COL14A1: variants seen among roughly 807,000 people sequenced by gnomAD.
The protein encoded by COL14A1 is collagen alpha-1(XIV) chain.
In COL14A1, 136 loss-of-function variants were observed where a neutral mutation model predicts 230.3. The ratio of observed to expected loss-of-function variants is 0.59; its 90% CI spans 0.51 to 0.68. The LOEUF (loss-of-function observed/expected upper bound fraction) is 0.68, where lower values mean the gene tolerates loss of function less well. Among genes scored for constraint, COL14A1 ranks in the 30% least tolerant of loss-of-function variants. COL14A1 has a pLI of 0.00. For synonymous variants in COL14A1, 792 were observed against 784.1 expected (o/e 1.01, Z -0.17); for missense variants, 1,976 against 2,215.8 (o/e 0.89, Z 2.17).
intron 9 of COL14A1, among the ~76,000 whole-genome samples, chr8:120,205,477 A>G (rs974421250): frequency 1.3e-5 from 2 of 152,220 alleles, no homozygotes; most frequent in African/African-American, 2.4e-5. Flanking sequence ...GAGATATCAT[A>G]TCATTGGTCT....
At chr8:120,218,732 A>G (rs1260491491) in intron 14 of COL14A1, among the ~76,000 whole-genome samples, 1 of 152,326 alleles carries the variant, frequency 6.6e-6, no homozygotes, top group Non-Finnish European at 1.5e-5. Context: ...TTTCAATGAC[A>G]AGGATACTAG....
At chr8:120,245,805 G>C (rs1481950632) in intron 20 of COL14A1, among the ~76,000 whole-genome samples, 3 of 152,142 alleles carry the variant, frequency 2.0e-5, no homozygotes, top group African/African-American at 4.8e-5. Context: ...TCTCCATGTG[G>C]TCTTTCCAGC....
Position 120,321,160 on chromosome 8 carries a change from C to T in COL14A1, c.4659+5163C>T, listed in dbSNP as rs988394367. Among the ~76,000 whole-genome samples, 8 of 152,100 alleles carry T rather than the reference C, an allele frequency of 5.3e-5. 1 individual carries two copies. Among genetic ancestry groups the T allele is most frequent in the African/African-American group, 1.9e-4 (8 of 41,414 alleles). On this transcript the variant is annotated intron_variant, in intron 40 of 47. Transcript: ENST00000297848. ...ACTTCAACACGGAAGATGTTGCGCC[C>T]AGCATTTTGGGGCAATAGGAACCCA...
chr8:120,309,555 A>G (rs76088750), intron 36 of COL14A1, among the ~76,000 whole-genome samples: 3,101 of 152,256 alleles, frequency 0.02, 109 homozygotes, highest in African/African-American at 0.07. Context: ...TTTCAGAAAG[A>G]TGAAACTAAT....
At position 120,203,720 on chromosome 8, in the gene COL14A1, G is replaced by A. The variant is rs756726854; in HGVS notation, c.889G>A (p.Ala297Thr). 9.9e-6 allele frequency: 16 copies of A among 1,613,616 alleles called. No homozygotes were observed. The Admixed American group carries it at 1.5e-4, about 15-fold the overall frequency. Residue 297 changes from alanine to threonine, a missense_variant, in exon 9 of 48, where the codon GCG (alanine) becomes ACG (threonine). Around this residue, in one of 3 missense-constraint regions of COL14A1, gnomAD observed 1,791 missense variants for 2,019.5 expected, o/e 0.89. Coordinates refer to ENST00000297848, the MANE Select transcript of COL14A1 (RefSeq NM_021110.4). ...GTCCTCTGTGTAAGGGGTGAAAAAC[G>A]CGGATGTGAATGAGCTGCAGGAGAT... ...VELFAIGVKN[A>T]DVNELQEIAS...
At chr8:120,359,066 T>G (rs13253929) in intron 45 of COL14A1, among the ~76,000 whole-genome samples, 1 of 136,938 alleles carries the variant, frequency 7.3e-6, no homozygotes, top group Middle Eastern at 3.7e-3. Context: ...GTGTTTATCG[T>G]TTTTTTTTTT....
chr8:120,156,164 A>G (rs139660310), intron 2 of COL14A1, among the ~76,000 whole-genome samples: 2,995 of 122,592 alleles, frequency 0.024, 43 homozygotes, highest in Non-Finnish European at 0.035. Flanking sequence ...AGCTCAATGA[A>G]GGGTGACTTC....
At chr8:120,310,392 A>G (rs1820998979) in intron 37 of COL14A1, among the ~76,000 whole-genome samples, 1 of 152,188 alleles carries the variant, frequency 6.6e-6, no homozygotes, top group African/African-American at 2.4e-5. Flanking sequence ...CTTTAGAGGA[A>G]TCATGCAGAA....
At chr8:120,183,905 G>A (rs926598507) in intron 5 of COL14A1, among the ~76,000 whole-genome samples, 1 of 152,038 alleles carries the variant, frequency 6.6e-6, no homozygotes, top group Non-Finnish European at 1.5e-5. Context: ...CTTCTGTGAT[G>A]GGAGTTGAAT....
At chr8:120,249,162 C>A (rs1818862983) in intron 21 of COL14A1, among the ~76,000 whole-genome samples, 1 of 151,048 alleles carries the variant, frequency 6.6e-6, no homozygotes, top group South Asian at 2.1e-4. Flanking sequence ...TCGTGATCCA[C>A]CCGCCTCGGC....
chr8:120,211,431 A>T (rs1455082521), intron 12 of COL14A1, among the ~76,000 whole-genome samples: 1 of 152,220 alleles, frequency 6.6e-6, no homozygotes. Flanking sequence ...TGCATTGTGA[A>T]ACATACAGGA....
At chr8:120,198,006 G>A (rs1817100059) in intron 7 of COL14A1, 76 bp downstream of exon 7, 1 of 1,428,448 alleles carries the variant, frequency 7.0e-7, no homozygotes, top group Non-Finnish European at 9.7e-7. Flanking sequence ...TTGCCACTTT[G>A]TAAGCGTTAT....
chr8:120,248,106 T>C lies in COL14A1; in HGVS notation c.2602+371T>C, dbSNP rs970970877. 2.6e-5 allele frequency among the ~76,000 whole-genome samples: 4 copies of C among 152,182 alleles called. No individual in the cohort carries two copies. In the South Asian group the frequency reaches 8.3e-4, roughly 31 times the overall value. On this transcript the variant is annotated intron_variant, in intron 21 of 47. Coordinates refer to ENST00000297848, the MANE Select transcript of COL14A1 (RefSeq NM_021110.4). Reference sequence around the variant, plus strand: ...ATAAATTCTAAACATTTGGAATCTCTAACTTCAAAGTTCTCTTCTACCTCT... The same window carrying C: ...ATAAATTCTAAACATTTGGAATCTCCAACTTCAAAGTTCTCTTCTACCTCT...
intron 12 of COL14A1, among the ~76,000 whole-genome samples, chr8:120,210,190 A>G (rs931156246): frequency 1.3e-5 from 2 of 152,204 alleles, no homozygotes; most frequent in African/African-American, 4.8e-5. Context: ...TTACAAAGTC[A>G]TTGTATACAC....
intron 5 of COL14A1, among the ~76,000 whole-genome samples, chr8:120,195,429 A>G (rs1019514689): frequency 1.2e-4 from 19 of 152,178 alleles, no homozygotes; most frequent in African/African-American, 4.6e-4. Context: ...CCTAACATGA[A>G]AATTCAGCAA....
chr8:120,223,367 G>A (rs1463206445), intron 14 of COL14A1, among the ~76,000 whole-genome samples: 1 of 152,122 alleles, frequency 6.6e-6, no homozygotes, highest in African/African-American at 2.4e-5. Flanking sequence ...GTCACTGATA[G>A]TATCATAAAT....
rs117730791 is a variant in COL14A1, at chr8:120,157,238, G to A, written c.89-892G>A. ...GTATCTTTCTGACAGGTATAAATCA[G>A]CTATCCTTGAAAACTGGATCCAAGT... On this transcript the variant is annotated intron_variant, in intron 2 of 47. Coordinates refer to ENST00000297848, the MANE Select transcript of COL14A1 (RefSeq NM_021110.4). Among the ~76,000 whole-genome samples, 20 of 152,174 alleles carry A rather than the reference G, an allele frequency of 1.3e-4. No individual in the cohort carries two copies. In the East Asian group the frequency reaches 3.9e-3, roughly 29 times the overall value.
chr8:120,238,451 C>G (rs1818515072), intron 19 of COL14A1, among the ~76,000 whole-genome samples: 1 of 152,048 alleles, frequency 6.6e-6, no homozygotes, highest in South Asian at 2.1e-4. Flanking sequence ...GGCGGACACC[C>G]CTCCCCCCAC....
At chr8:120,133,530 A>C (rs1346687431) in intron 1 of COL14A1, among the ~76,000 whole-genome samples, 1 of 152,174 alleles carries the variant, frequency 6.6e-6, no homozygotes, top group African/African-American at 2.4e-5. Flanking sequence ...TAAGAGAAAA[A>C]AGTTAGAGGA....
Sources: gnomAD v4.1 joint callset for allele counts (sites outside exome capture counted in the v4.1 genomes callset) on GRCh38, gnomAD v4.1.1 for gene constraint, gnomAD v4.1.1 regional missense constraint, MANE v1.5 for transcripts, NCBI Gene and HGNC (gene_info 2026-07-23, HGNC 2026-07-21) for gene names.